MAGI3: variants seen among roughly 807,000 people sequenced by gnomAD.
MAGI3 encodes the protein membrane-associated guanylate kinase, WW and PDZ domain-containing protein 3.
Under a neutral mutation model 121.8 loss-of-function variants are expected in MAGI3, and 43 were observed. The ratio of observed to expected loss-of-function variants is 0.35; its 90% CI spans 0.28 to 0.46. The LOEUF is 0.46. MAGI3 is among the 20% of genes least tolerant of loss of function. The pLI, the probability that MAGI3 is intolerant of heterozygous loss-of-function variation, is 1.00. For synonymous variants in MAGI3, 553 were observed against 639.3 expected, an observed-to-expected ratio of 0.86 and a Z score of 2.04; for missense variants, 1,547 against 1,797.3, an observed-to-expected ratio of 0.86 and a Z score of 2.52.
At chr1:113,515,179 G>T (rs529462434) in intron 1 of MAGI3, among the ~76,000 whole-genome samples, 57 of 151,698 alleles carry the variant, frequency 3.8e-4, no homozygotes, top group African/African-American at 1.2e-3. Context: ...TTTTTTTTTT[G>T]ATCTCACGGC....
chr1:113,535,415 A>G (rs12026423), intron 1 of MAGI3, among the ~76,000 whole-genome samples: 101,099 of 151,924 alleles, frequency 0.67, 36,732 homozygotes, highest in East Asian at 0.93. Flanking sequence ...TATAAGAAAC[A>G]TGTACCAATT....
chr1:113,511,399 G>A (rs1214929774), intron 1 of MAGI3, among the ~76,000 whole-genome samples: 1 of 152,184 alleles, frequency 6.6e-6, no homozygotes, highest in African/African-American at 2.4e-5. Flanking sequence ...ATGGTTGTTA[G>A]AAACAAATGC....
At chr1:113,542,263 A>G (rs1163154707) in intron 1 of MAGI3, among the ~76,000 whole-genome samples, 2 of 152,170 alleles carry the variant, frequency 1.3e-5, no homozygotes, top group East Asian at 3.9e-4. Context: ...TGTGGGTAGC[A>G]TGTATGGCAT....
chr1:113,474,843 T>C (rs1262988193), intron 1 of MAGI3, among the ~76,000 whole-genome samples: 1 of 152,234 alleles, frequency 6.6e-6, no homozygotes, highest in African/African-American at 2.4e-5. Context: ...ATGGCCATTT[T>C]CACAATATGG....
chr1:113,437,882 TTCTC>T (rs1557757231), intron 1 of MAGI3, among the ~76,000 whole-genome samples: 13 of 2,512 alleles, frequency 5.2e-3, no homozygotes, highest in Admixed American at 5.8e-3. Flanking sequence ...CTTCTTCTCC[TTCTC>T]CTTCTCCTTC....
intron 1 of MAGI3, among the ~76,000 whole-genome samples, chr1:113,494,011 T>G (rs1656792371): frequency 6.6e-6 from 1 of 152,202 alleles, no homozygotes; most frequent in East Asian, 1.9e-4. Context: ...CTCATCAATT[T>G]CATGACTGGG....
intron 1 of MAGI3, among the ~76,000 whole-genome samples, chr1:113,423,169 A>G (rs1652813570): frequency 2.7e-5 from 4 of 150,432 alleles, no homozygotes. Flanking sequence ...TTATTGAGCA[A>G]CAGAACAACT....
At chr1:113,392,706 T>A (rs912500737) in intron 1 of MAGI3, among the ~76,000 whole-genome samples, 2 of 152,218 alleles carry the variant, frequency 1.3e-5, no homozygotes, top group African/African-American at 4.8e-5. Context: ...TTGTTGTTAA[T>A]TTTTTAAAAC....
At chr1:113,598,697 TAAGA>T (rs1448181058) in intron 6 of MAGI3, among the ~76,000 whole-genome samples, 1 of 151,942 alleles carries the variant, frequency 6.6e-6, no homozygotes, top group Non-Finnish European at 1.5e-5. Flanking sequence ...CTATTAGACC[TAAGA>T]AAGGAGATAT....
intron 1 of MAGI3, among the ~76,000 whole-genome samples, chr1:113,515,165 A>C (rs756490003): frequency 6.6e-6 from 1 of 152,134 alleles, no homozygotes; most frequent in Non-Finnish European, 1.5e-5. Flanking sequence ...ATGGTAAAAA[A>C]AAATTTTTTT....
At chr1:113,434,922 A>G (rs1653489174) in intron 1 of MAGI3, among the ~76,000 whole-genome samples, 2 of 152,086 alleles carry the variant, frequency 1.3e-5, no homozygotes, top group African/African-American at 4.8e-5. Flanking sequence ...TTGGCCCCAA[A>G]CCATTTTTTA....
At chr1:113,494,194 C>G (rs188952893) in intron 1 of MAGI3, among the ~76,000 whole-genome samples, 1 of 152,012 alleles carries the variant, frequency 6.6e-6, no homozygotes, top group East Asian at 1.9e-4. Context: ...TCAAGAAGAA[C>G]GATCATGTCC....
intron 1 of MAGI3, among the ~76,000 whole-genome samples, chr1:113,406,099 A>G (rs920548722): frequency 1.3e-5 from 2 of 151,804 alleles, no homozygotes; most frequent in African/African-American, 4.8e-5. Flanking sequence ...TTTGAACTGG[A>G]TTGCATTTAG....
chr1:113,634,592 A>G (rs1651881762), intron 9 of MAGI3, among the ~76,000 whole-genome samples: 1 of 152,050 alleles, frequency 6.6e-6, no homozygotes, highest in Admixed American at 6.5e-5. Flanking sequence ...CCATTGATCT[A>G]TATCTCTGTT....
chr1:113,463,970 C>T (rs1042333973), intron 1 of MAGI3, among the ~76,000 whole-genome samples: 2 of 152,070 alleles, frequency 1.3e-5, no homozygotes, highest in Admixed American at 6.6e-5. Flanking sequence ...GGATATTCAT[C>T]ACCTTAAATA....
chr1:113,527,336 A>G (rs1265292477), intron 1 of MAGI3, among the ~76,000 whole-genome samples: 1 of 152,154 alleles, frequency 6.6e-6, no homozygotes, highest in African/African-American at 2.4e-5. Flanking sequence ...AGGCACATGA[A>G]TTTGGAAGTA....
intron 1 of MAGI3, among the ~76,000 whole-genome samples, chr1:113,434,403 C>T (rs1215238010): frequency 6.6e-6 from 1 of 151,988 alleles, no homozygotes; most frequent in East Asian, 1.9e-4. Context: ...GACCTTATTT[C>T]CACCACCACC....
chr1:113,479,289 G>A (rs1178615151), intron 1 of MAGI3, among the ~76,000 whole-genome samples: 2 of 152,120 alleles, frequency 1.3e-5, no homozygotes, highest in South Asian at 2.1e-4. Context: ...GATGAACCAC[G>A]TACCTCAGTT....
chr1:113,644,498 G>A (rs536576883), intron 11 of MAGI3, among the ~76,000 whole-genome samples: 6 of 152,096 alleles, frequency 3.9e-5, no homozygotes, highest in Non-Finnish European at 7.4e-5. Context: ...GGCTAGGATG[G>A]TCTCAATCTC....
Sources: gnomAD v4.1 joint callset for allele counts (sites outside exome capture counted in the v4.1 genomes callset) on GRCh38, gnomAD v4.1.1 for gene constraint, MANE v1.5 for transcripts, NCBI Gene and HGNC (gene_info 2026-07-23, HGNC 2026-07-21) for gene names.